The following IRGM variants were observed in gnomAD, a reference collection of about 807,000 sequenced individuals.
IRGM encodes the protein immunity-related GTPase family M protein.
For missense variants in IRGM, 288 were observed against 219.9 expected, an observed-to-expected ratio of 1.31 and a Z score of -1.96; for synonymous variants, 98 against 80.6, an observed-to-expected ratio of 1.22 and a Z score of -1.16.
At chr5:150,896,040 T>C in intron 3 of IRGM, 2 of 1,613,580 alleles carry the variant, frequency 1.2e-6, no homozygotes, top group Non-Finnish European at 1.7e-6. Context: ...ATGAGCTCTG[T>C]GGTGTATAAT....
Position 150,854,980 on chromosome 5 carries a change from T to A in IRGM, c.158+6326T>A, listed in dbSNP as rs139344577. The stretch of plus-strand genomic sequence containing the variant: ...TTTTTCTTAATGGGAATTTACTTGG[T>A]TGCTCTTTTTTTCTGACTGTTTTTC... On this transcript the variant is annotated intron_variant and NMD_transcript_variant, in intron 1 of 3. Coordinates refer to the IRGM transcript ENST00000520549. Among the ~76,000 whole-genome samples, 139 of 152,312 alleles carry A rather than the reference T, an allele frequency of 9.1e-4. 1 individual carries two copies. The East Asian group carries it at 0.025, about 28-fold the overall frequency.
At position 150,882,292 on chromosome 5, in the gene IRGM, G is replaced by A. The variant is rs564934896; in HGVS notation, c.*140+2646G>A. ...AATCACCTAACCACTAAAAAAGATAGCAAGAGAGGAAGAAAGGAACAAAGA... is the reference window on the plus strand; with the variant it reads ...AATCACCTAACCACTAAAAAAGATAACAAGAGAGGAAGAAAGGAACAAAGA... On this transcript the variant is annotated intron_variant and NMD_transcript_variant, in intron 3 of 3. Coordinates refer to the IRGM transcript ENST00000520549. 2.7e-5 allele frequency among the ~76,000 whole-genome samples: 4 copies of A among 150,524 alleles called. No individual in the cohort carries two copies. In the South Asian group the frequency reaches 8.4e-4, roughly 31 times the overall value.
downstream of IRGM, among the ~76,000 whole-genome samples, chr5:150,852,818 T>C (rs1753995292): frequency 6.6e-6 from 1 of 152,116 alleles, no homozygotes; most frequent in Non-Finnish European, 1.5e-5. Flanking sequence ...GGTTAGTTTG[T>C]CTATAATAAT....
chr5:150,850,026 T>G (rs548593920), downstream of IRGM, among the ~76,000 whole-genome samples: 86 of 152,260 alleles, frequency 5.6e-4, no homozygotes, highest in Non-Finnish European at 9.1e-4. Context: ...AAATAATGTT[T>G]CAGAGAGATG....
intron 1 of IRGM, among the ~76,000 whole-genome samples, chr5:150,857,782 T>A (rs1334158920): frequency 6.6e-6 from 1 of 152,212 alleles, no homozygotes; most frequent in African/African-American, 2.4e-5. Flanking sequence ...GGTTGTTTGT[T>A]TTTTTCTTGT....
chr5:150,877,877 A>C (rs1754387064), intron 1 of IRGM: 3 of 404,250 alleles, frequency 7.4e-6, no homozygotes, highest in Admixed American at 6.2e-5. Flanking sequence ...TTTTTGCATA[A>C]CTTAAAGATT....
At chr5:150,861,865 T>C (rs540958200) in intron 1 of IRGM, among the ~76,000 whole-genome samples, 4 of 152,378 alleles carry the variant, frequency 2.6e-5, no homozygotes, top group African/African-American at 9.6e-5. Flanking sequence ...TATTTCATAT[T>C]ATTTCCTACC....
At chr5:150,849,492 A>T (rs1462310382), downstream of IRGM, among the ~76,000 whole-genome samples, 1 of 152,216 alleles carries the variant, frequency 6.6e-6, no homozygotes, top group African/African-American at 2.4e-5. Flanking sequence ...TGAAAATATC[A>T]ATAATTATAT....
intron 1 of IRGM, among the ~76,000 whole-genome samples, chr5:150,868,098 T>G (rs1754232371): frequency 6.6e-6 from 1 of 152,138 alleles, no homozygotes; most frequent in African/African-American, 2.4e-5. Flanking sequence ...AATTTTTATG[T>G]TTTCAGGTCT....
At chr5:150,900,078 T>A (rs1214149002) in intron 3 of IRGM, among the ~76,000 whole-genome samples, 2 of 152,048 alleles carry the variant, frequency 1.3e-5, no homozygotes, top group East Asian at 3.8e-4. Flanking sequence ...ATTGTACATA[T>A]AAGAAAACTG....
At chr5:150,884,324 T>C (rs1754486764) in intron 3 of IRGM, among the ~76,000 whole-genome samples, 1 of 152,152 alleles carries the variant, frequency 6.6e-6, no homozygotes, top group African/African-American at 2.4e-5. Context: ...CTGTCATTGC[T>C]GAGCATTTAG....
chr5:150,894,270 C>T (rs1429722108), intron 3 of IRGM: 2 of 152,082 alleles, frequency 1.3e-5, no homozygotes, highest in South Asian at 2.1e-4. Context: ...ATCTTAGAGG[C>T]CTCCAGTTCT....
chr5:150,871,593 C>T lies in IRGM; in HGVS notation c.159-6387C>T, dbSNP rs537466903. 2.0e-5 allele frequency among the ~76,000 whole-genome samples: 3 copies of T among 152,298 alleles called. No individual in the cohort carries two copies. The East Asian group carries it at 5.8e-4, about 29-fold the overall frequency. On this transcript the variant is annotated intron_variant and NMD_transcript_variant, in intron 1 of 3. Coordinates refer to the IRGM transcript ENST00000520549. ...AAGAAAACAGAGAAGGCCCCAGACT[C>T]CCTTTGGGGGATAAACCTGTTTTTC...
chr5:150,849,175 A>G (rs2113248605), downstream of IRGM, among the ~76,000 whole-genome samples: 1 of 152,080 alleles, frequency 6.6e-6, no homozygotes, highest in Non-Finnish European at 1.5e-5. Flanking sequence ...GCTTAAAAAC[A>G]CACAACTGAG....
At chr5:150,859,477 G>A (rs1246765904) in intron 1 of IRGM, among the ~76,000 whole-genome samples, 1 of 152,074 alleles carries the variant, frequency 6.6e-6, no homozygotes, top group Non-Finnish European at 1.5e-5. Flanking sequence ...TTTTTCTATT[G>A]GTTGGAATAG....
intron 1 of IRGM, among the ~76,000 whole-genome samples, chr5:150,860,604 T>C (rs543301385): frequency 1.3e-5 from 2 of 152,276 alleles, no homozygotes; most frequent in African/African-American, 4.8e-5. Flanking sequence ...AGTTAATAAT[T>C]ATGCAGGCAC....
intron 3 of IRGM, among the ~76,000 whole-genome samples, chr5:150,893,570 C>T (rs1754653997): frequency 6.6e-6 from 1 of 152,034 alleles, no homozygotes; most frequent in Admixed American, 6.6e-5. Context: ...TCAGGGCAAC[C>T]ATAGGATGCA....
rs80002156 is a variant in IRGM at position 150,866,123 on chromosome 5, A to G, written c.159-11857A>G. ...CCTGTACAGTCTGCTCCCAGGTTCT[A>G]TTGTTCCGTGATTCTGAGTTTCCAC... is the stretch of plus-strand genomic sequence containing the variant. On this transcript the variant is annotated intron_variant and NMD_transcript_variant, in intron 1 of 3. Transcript: ENST00000520549. 6.0e-3 allele frequency among the ~76,000 whole-genome samples: 915 copies of G among 152,220 alleles called. 8 individuals are homozygous for G. The highest frequency in any genetic ancestry group is 0.021 in the African/African-American group (867 of 41,532).
At chr5:150,892,360 ATTG>A (rs1477640201) in intron 3 of IRGM, among the ~76,000 whole-genome samples, 2 of 152,126 alleles carry the variant, frequency 1.3e-5, no homozygotes, top group African/African-American at 4.8e-5. Flanking sequence ...GCATAACATA[ATTG>A]TTAAGTGTGT....
Sources: gnomAD v4.1 joint callset for allele counts (sites outside exome capture counted in the v4.1 genomes callset) on GRCh38, gnomAD v4.1.1 for gene constraint, MANE v1.5 for transcripts, NCBI Gene and HGNC (gene_info 2026-07-23, HGNC 2026-07-21) for gene names.